Variants in SIPA1L2 observed in about 807,000 individuals in gnomAD.
The protein encoded by SIPA1L2 is signal induced proliferation associated 1 like 2.
SIPA1L2 carries 56 observed loss-of-function variants against 163.9 expected under a neutral mutation model. The observed-to-expected ratio is 0.34, with a 90% CI of 0.28 to 0.43. The LOEUF (loss-of-function observed/expected upper bound fraction) is 0.43. Among genes scored for constraint, SIPA1L2 ranks in the 20% least tolerant of loss-of-function variants. SIPA1L2 has a pLI of 1.00. For synonymous variants in SIPA1L2, 877 were observed against 865.7 expected (o/e 1.01, Z -0.23); for missense variants, 1,974 against 2,193.5 (o/e 0.90, Z 2.00).
chr1:232,536,125 G>A (rs1278687006), intron 2 of SIPA1L2, among the ~76,000 whole-genome samples: 1 of 152,202 alleles, frequency 6.6e-6, no homozygotes, highest in Non-Finnish European at 1.5e-5. Flanking sequence ...GACCAAGGAA[G>A]CACGACAGAT....
At chr1:232,473,576 G>A (rs1206508545) in intron 7 of SIPA1L2, among the ~76,000 whole-genome samples, 1 of 152,170 alleles carries the variant, frequency 6.6e-6, no homozygotes, top group African/African-American at 2.4e-5. Context: ...GAACATGATG[G>A]GTCTGATTCT....
chr1:232,433,838 G>A (rs1215097451), intron 15 of SIPA1L2, among the ~76,000 whole-genome samples: 4 of 152,188 alleles, frequency 2.6e-5, no homozygotes, highest in Non-Finnish European at 5.9e-5. Flanking sequence ...AGTGCAATGC[G>A]AGGATTCCGG....
Position 232,439,275 on chromosome 1 carries a change from G to A in SIPA1L2, c.3864C>T (p.Ser1288=). ...ACTGCTCGGCCCGGCTGTGGATCAGGGACCTGCTGCCTGCCAGGTGCACAG... is the reference window on the plus strand; with the variant it reads ...ACTGCTCGGCCCGGCTGTGGATCAGAGACCTGCTGCCTGCCAGGTGCACAG... The part of the protein sequence containing the change: ...LGPVHLAGSR[S]LIHSRAEQWA... The change falls in exon 15 of 23, where the codon TCC becomes TCT. Residue 1288 remains serine, a synonymous_variant. Transcript: ENST00000674635. 6.2e-7 allele frequency: 1 copy of A among 1,614,116 alleles called. No homozygotes were observed. The highest frequency in any genetic ancestry group is 8.5e-7 in the Non-Finnish European group (1 of 1,180,044).
intron 8 of SIPA1L2, among the ~76,000 whole-genome samples, chr1:232,466,482 G>A (rs1664518207): frequency 6.6e-6 from 1 of 152,070 alleles, no homozygotes; most frequent in Non-Finnish European, 1.5e-5. Flanking sequence ...TTATACAGTG[G>A]ACTAATGAAT....
chr1:232,630,323 G>C (rs1268094560), upstream of SIPA1L2, among the ~76,000 whole-genome samples: 2 of 151,702 alleles, frequency 1.3e-5, no homozygotes, highest in Non-Finnish European at 2.9e-5. Flanking sequence ...GCCCCGCGGC[G>C]CGCGGGAGCT....
At position 232,399,165 on chromosome 1, in the gene SIPA1L2, T is replaced by C; in HGVS notation, c.5131A>G (p.Thr1711Ala). 5 of 1,614,096 alleles carry C rather than the reference T, an allele frequency of 3.1e-6. No homozygotes were observed. The highest frequency in any genetic ancestry group is 1.3e-5 in the African/African-American group (1 of 74,998). The change falls in exon 23 of 23, where the codon ACA becomes GCA. Residue 1711 changes from threonine (T) to alanine (A), a missense_variant. By Grantham distance (58) the Thr-to-Ala change is moderately conservative (BLOSUM62 0). This residue lies in a region of SIPA1L2 where 1,079 missense variants were observed against 1,150.7 expected (regional missense o/e 0.94). Transcript: ENST00000674635. ...QTATAQLRKF[T>A]EWFFTTIDKK... ...TCGATGGTGGTGAAAAACCATTCTG[T>C]GAATTTCCGCAGCTGAGCTGTCGCG...
intron 5 of SIPA1L2, among the ~76,000 whole-genome samples, chr1:232,489,064 G>A (rs1665792356): frequency 1.3e-5 from 2 of 152,178 alleles, no homozygotes; most frequent in African/African-American, 4.8e-5. Flanking sequence ...GGCTTCTGGG[G>A]AACATGAACC....
At position 232,399,796 on chromosome 1, in the gene SIPA1L2, C is replaced by T. The variant is rs975116666; in HGVS notation, c.5023-523G>A. ...ATAATCAAGACTTTCAGAAGAATCACATCTGGAGTTTCCAACATGTAGCAA... is the reference window on the plus strand; with the variant it reads ...ATAATCAAGACTTTCAGAAGAATCATATCTGGAGTTTCCAACATGTAGCAA... On this transcript the variant is annotated intron_variant, in intron 22 of 22. Coordinates refer to ENST00000674635, the MANE Select transcript of SIPA1L2 (RefSeq NM_020808.5). Among the ~76,000 whole-genome samples, 3 of 152,188 alleles carry T rather than the reference C, an allele frequency of 2.0e-5. No homozygotes were observed. The East Asian group carries it at 5.8e-4, about 29-fold the overall frequency.
chr1:232,489,239 C>T (rs139304330), intron 5 of SIPA1L2, among the ~76,000 whole-genome samples: 6 of 152,302 alleles, frequency 3.9e-5, no homozygotes, highest in African/African-American at 1.4e-4. Flanking sequence ...TTCACCAACT[C>T]TCTTACAACA....
chr1:232,512,253 CA>C (rs1667013406), intron 3 of SIPA1L2, among the ~76,000 whole-genome samples: 1 of 152,176 alleles, frequency 6.6e-6, no homozygotes, highest in South Asian at 2.1e-4. Flanking sequence ...CAAATAGGAA[CA>C]TTTTTACACT....
At chr1:232,422,027 A>C (rs1661605949) in intron 18 of SIPA1L2, among the ~76,000 whole-genome samples, 1 of 152,186 alleles carries the variant, frequency 6.6e-6, no homozygotes, top group African/African-American at 2.4e-5. Context: ...CTACCTGCCA[A>C]GGAATAAAAG....
intron 4 of SIPA1L2, among the ~76,000 whole-genome samples, chr1:232,493,103 TAA>T (rs1666013018): frequency 6.6e-6 from 1 of 152,098 alleles, no homozygotes; most frequent in East Asian, 1.9e-4. Flanking sequence ...TCTGATGGTT[TAA>T]AAGTGTGTGG....
intron 2 of SIPA1L2, among the ~76,000 whole-genome samples, chr1:232,572,865 G>A (rs1298093803): frequency 2.0e-5 from 3 of 150,558 alleles, no homozygotes; most frequent in African/African-American, 7.3e-5. Context: ...CGCAACCTCC[G>A]CCTCCCAGGT....
intron 19 of SIPA1L2, among the ~76,000 whole-genome samples, chr1:232,408,646 T>C (rs1350162414): frequency 6.6e-6 from 1 of 152,160 alleles, no homozygotes; most frequent in East Asian, 1.9e-4. Flanking sequence ...ATTTTTCACC[T>C]TCTTATTTAT....
At chr1:232,550,172 T>C (rs1658291977) in intron 2 of SIPA1L2, among the ~76,000 whole-genome samples, 1 of 152,230 alleles carries the variant, frequency 6.6e-6, no homozygotes, top group African/African-American at 2.4e-5. Flanking sequence ...AAATGGCATC[T>C]TGCTATATTC....
chr1:232,572,716 TAC>T (rs1181995038), intron 2 of SIPA1L2, among the ~76,000 whole-genome samples: 1,085 of 72,270 alleles, frequency 0.015, 34 homozygotes, highest in African/African-American at 0.041. Context: ...TATATATATA[TAC>T]ACACATATAT....
chr1:232,405,004 C>T (rs1349713464), intron 19 of SIPA1L2, among the ~76,000 whole-genome samples: 2 of 152,212 alleles, frequency 1.3e-5, no homozygotes, highest in Non-Finnish European at 2.9e-5. Flanking sequence ...GTGCTCCACT[C>T]TTAATTTACC....
At chr1:232,418,430 C>G (rs1381202495) in intron 18 of SIPA1L2, among the ~76,000 whole-genome samples, 1 of 152,204 alleles carries the variant, frequency 6.6e-6, no homozygotes, top group African/African-American at 2.4e-5. Context: ...TCCTAAGCAC[C>G]TCTAAAGTTC....
chr1:232,588,413 C>T (rs1449330361), intron 1 of SIPA1L2, among the ~76,000 whole-genome samples: 4 of 152,132 alleles, frequency 2.6e-5, no homozygotes, highest in Non-Finnish European at 5.9e-5. Context: ...TGACAATTTC[C>T]CTACACTTAA....
Sources: gnomAD v4.1 joint callset for allele counts (sites outside exome capture counted in the v4.1 genomes callset) on GRCh38, gnomAD v4.1.1 for gene constraint, gnomAD v4.1.1 regional missense constraint, MANE v1.5 for transcripts, NCBI Gene and HGNC (gene_info 2026-07-23, HGNC 2026-07-21) for gene names.